The following CAMK2D variants were observed in gnomAD, a reference collection of about 807,000 sequenced individuals.
CAMK2D encodes the protein calcium/calmodulin-dependent protein kinase type II subunit delta.
In CAMK2D, 37 loss-of-function variants were observed where a neutral mutation model predicts 84.0. That is an observed-to-expected ratio of 0.44 (90% CI 0.34 to 0.58). The LOEUF (loss-of-function observed/expected upper bound fraction) is 0.58, where lower values mean the gene tolerates loss of function less well. Among genes scored for constraint, CAMK2D ranks in the 20% least tolerant of loss-of-function variants. CAMK2D has a pLI of 0.02. For synonymous variants in CAMK2D, 202 were observed against 212.5 expected (o/e 0.95, Z 0.43); for missense variants, 448 against 652.5 (o/e 0.69, Z 3.41).
intron 2 of CAMK2D, among the ~76,000 whole-genome samples, chr4:113,671,990 G>T (rs1422506853): frequency 1.3e-5 from 2 of 152,062 alleles, no homozygotes; most frequent in African/African-American, 2.4e-5. Context: ...GAACCTCCCA[G>T]ATTGCATACA....
intron 18 of CAMK2D, among the ~76,000 whole-genome samples, chr4:113,458,352 G>A (rs1418924828): frequency 1.3e-5 from 2 of 152,136 alleles, no homozygotes; most frequent in Non-Finnish European, 2.9e-5. Context: ...TATTGATGCT[G>A]TTTCTTTCTT....
intron 12 of CAMK2D, among the ~76,000 whole-genome samples, chr4:113,510,044 C>T (rs2098189817): frequency 6.6e-6 from 1 of 152,158 alleles, no homozygotes; most frequent in South Asian, 2.1e-4. Context: ...AGCTGACTGA[C>T]AGATTGTATT....
chr4:113,749,539 A>C (rs944286138), intron 2 of CAMK2D, among the ~76,000 whole-genome samples: 1 of 152,222 alleles, frequency 6.6e-6, no homozygotes, highest in Non-Finnish European at 1.5e-5. Flanking sequence ...GCTTAAAAAT[A>C]AGCTTTGTCA....
intron 8 of CAMK2D, among the ~76,000 whole-genome samples, chr4:113,523,197 A>C (rs2098383544): frequency 6.6e-6 from 1 of 152,146 alleles, no homozygotes; most frequent in Admixed American, 6.5e-5. Context: ...AGTCTATGTG[A>C]CTTTGTTATA....
At chr4:113,534,646 T>C (rs1324459039) in intron 7 of CAMK2D, among the ~76,000 whole-genome samples, 1 of 152,212 alleles carries the variant, frequency 6.6e-6, no homozygotes, top group Non-Finnish European at 1.5e-5. Context: ...CTCTACTCAC[T>C]GATTCACTAA....
intron 13 of CAMK2D, among the ~76,000 whole-genome samples, chr4:113,508,427 G>A (rs1416746526): frequency 1.3e-5 from 2 of 152,196 alleles, no homozygotes; most frequent in African/African-American, 4.8e-5. Flanking sequence ...TGTAAGGATA[G>A]TAATGAAAAT....
intron 2 of CAMK2D, among the ~76,000 whole-genome samples, chr4:113,689,244 C>CAA (rs11420532): frequency 8.7e-5 from 13 of 149,656 alleles, no homozygotes; most frequent in African/African-American, 2.9e-4. Flanking sequence ...GACTCCATCT[C>CAA]AAAAAAAAAT....
At chr4:113,723,178 C>T (rs1039200577) in intron 2 of CAMK2D, among the ~76,000 whole-genome samples, 1 of 151,336 alleles carries the variant, frequency 6.6e-6, no homozygotes, top group African/African-American at 2.4e-5. Flanking sequence ...AGTGTCTAAA[C>T]ACAAGCTTAC....
intron 7 of CAMK2D, among the ~76,000 whole-genome samples, chr4:113,531,612 T>C (rs185847666): frequency 2.9e-4 from 44 of 152,202 alleles, no homozygotes; most frequent in Admixed American, 2.5e-3. Context: ...GTCCTTTATG[T>C]ATATGGGAGT....
At chr4:113,454,963 A>C (rs1338055231) in intron 20 of CAMK2D, among the ~76,000 whole-genome samples, 1 of 152,218 alleles carries the variant, frequency 6.6e-6, no homozygotes, top group Non-Finnish European at 1.5e-5. Flanking sequence ...CAAGGAATAT[A>C]GTCTCGAAAG....
intron 16 of CAMK2D, among the ~76,000 whole-genome samples, chr4:113,481,999 A>G (rs1407913235): frequency 2.0e-5 from 3 of 152,226 alleles, no homozygotes; most frequent in Non-Finnish European, 1.5e-5. Context: ...ATAATAGGAC[A>G]TTAAGTCAGA....
Position 113,720,557 on chromosome 4 carries a change from C to T in CAMK2D, c.160+38763G>A, listed in dbSNP as rs188090462. Among the ~76,000 whole-genome samples the T allele has an allele frequency of 9.3e-4, 141 of 151,952 alleles. 1 individual carries two copies. Among genetic ancestry groups the T allele is most frequent in the Non-Finnish European group, 1.8e-3 (119 of 67,908 alleles). On this transcript the variant is annotated intron_variant, in intron 2 of 20. Coordinates refer to ENST00000511664, the MANE Select transcript of CAMK2D (RefSeq NM_001321571.2). ...ATCTGATATTGGCCATCTATAAATGCTAAAAAGTATCCTCAAATTTCAAAA... is the reference window on the plus strand; with the variant it reads ...ATCTGATATTGGCCATCTATAAATGTTAAAAAGTATCCTCAAATTTCAAAA...
At chr4:113,700,438 G>A (rs906054038) in intron 2 of CAMK2D, among the ~76,000 whole-genome samples, 10 of 152,280 alleles carry the variant, frequency 6.6e-5, no homozygotes, top group African/African-American at 2.4e-4. Context: ...TGCTGGCTCT[G>A]TGGGCATGAT....
In CAMK2D at chr4:113,451,854, G is replaced by C. The variant is rs2097259594; in HGVS notation, c.*2691C>G. The C allele has an allele frequency of 6.6e-6, 1 of 152,212 alleles. No homozygotes were observed. 9.4% of individuals were successfully genotyped at this position (152,212 alleles called of 1,614,324 possible). A position where few individuals can be genotyped will look rare whatever the true frequency, so the allele number is the denominator to read the frequency against. ...AAGGCAAGCCCAGAATAGGGCCTAG[G>C]AAGGTTTGCTGTGGAGCATGATGCT... is the stretch of plus-strand genomic sequence containing the variant. On this transcript the variant is annotated 3_prime_UTR_variant, in exon 21 of 21. Transcript: ENST00000511664.
chr4:113,733,728 CAT>C (rs2099574525), intron 2 of CAMK2D, among the ~76,000 whole-genome samples: 1 of 152,130 alleles, frequency 6.6e-6, no homozygotes, highest in African/African-American at 2.4e-5. Context: ...AATACAGAAA[CAT>C]AGACTCTGCT....
At chr4:113,709,756 T>TATATATATATATATATATATATATATAC (rs2099484583) in intron 2 of CAMK2D, among the ~76,000 whole-genome samples, 1 of 103,664 alleles carries the variant, frequency 9.6e-6, no homozygotes, top group Admixed American at 9.9e-5. Flanking sequence ...GATATATATA[T>TATATATATATATATATATATATATATAC]ATATATATAT....
At chr4:113,708,793 C>T (rs1442543537) in intron 2 of CAMK2D, among the ~76,000 whole-genome samples, 2 of 152,120 alleles carry the variant, frequency 1.3e-5, no homozygotes, top group East Asian at 1.9e-4. Context: ...GGCGTAATCT[C>T]GGCTCACTGC....
At chr4:113,623,378 G>A (rs372183830) in intron 3 of CAMK2D, among the ~76,000 whole-genome samples, 1 of 146,238 alleles carries the variant, frequency 6.8e-6, no homozygotes, top group Non-Finnish European at 1.5e-5. Context: ...ATCATGATGT[G>A]TATATACACA....
chr4:113,673,091 GAGGACTACTC>G (rs1364836700), intron 2 of CAMK2D, among the ~76,000 whole-genome samples: 1 of 152,104 alleles, frequency 6.6e-6, no homozygotes, highest in African/African-American at 2.4e-5. Context: ...GACCCCCAGA[GAGGACTACTC>G]AGGATAGAGT....
Sources: gnomAD v4.1 joint callset for allele counts (sites outside exome capture counted in the v4.1 genomes callset) on GRCh38, gnomAD v4.1.1 for gene constraint, MANE v1.5 for transcripts, NCBI Gene and HGNC (gene_info 2026-07-23, HGNC 2026-07-21) for gene names.